The following NDUFA9 variants were observed in gnomAD, a reference collection of about 807,000 sequenced individuals.
The protein encoded by NDUFA9 is NADH dehydrogenase [ubiquinone] 1 alpha subcomplex subunit 9, mitochondrial.
Under a neutral mutation model 45.9 loss-of-function variants are expected in NDUFA9, and 23 were observed. The observed-to-expected ratio is 0.50, with a 90% confidence interval of 0.36 to 0.71. The LOEUF (loss-of-function observed/expected upper bound fraction) is 0.71, where lower values mean the gene tolerates loss of function less well. Among genes scored for constraint, NDUFA9 ranks in the 30% least tolerant of loss-of-function variants. NDUFA9 has a pLI of 0.00. For missense variants in NDUFA9, 466 were observed against 488.2 expected (o/e 0.95, Z 0.43); for synonymous variants, 176 against 170.5 (o/e 1.03, Z -0.25).
chr12:4,669,452 C>G (rs1034653847), intron 7 of NDUFA9, among the ~76,000 whole-genome samples: 1 of 152,198 alleles, frequency 6.6e-6, no homozygotes, highest in African/African-American at 2.4e-5. Context: ...TGCATTCCTA[C>G]TACAGAAAAT....
At position 4,687,775 on chromosome 12, in the gene NDUFA9, A is replaced by G. The variant is rs748710183; in HGVS notation, c.*667A>G. The G allele has an allele frequency of 6.6e-6, 1 of 152,256 alleles. No individual in the cohort carries two copies. Among genetic ancestry groups the G allele is most frequent in the Non-Finnish European group, 1.5e-5 (1 of 68,064 alleles). The allele number at this position is 152,256 out of a possible 1,614,324, so 9.4% of individuals were successfully genotyped here. On this transcript the variant is annotated 3_prime_UTR_variant, in exon 11 of 11. Transcript: ENST00000266544. ...CAGCTTCTATGCCAGCAGTGCCAGC[A>G]CTTAGGAATTATGACCTTCTAATGA...
At chr12:4,671,718 A>G (rs1470509803) in intron 8 of NDUFA9, among the ~76,000 whole-genome samples, 1 of 152,220 alleles carries the variant, frequency 6.6e-6, no homozygotes, top group African/African-American at 2.4e-5. Context: ...GAATTGACGT[A>G]TAGATGAATT....
intron 1 of NDUFA9, chr12:4,653,519 T>C: frequency 2.5e-6 from 1 of 398,978 alleles, no homozygotes; most frequent in Non-Finnish European, 4.8e-6. Context: ...ACATGAACTT[T>C]GAGGGTTCAT....
In NDUFA9 at chr12:4,669,724, A is replaced by T; in HGVS notation, c.724-17A>T. The T allele has an allele frequency of 6.7e-7, 1 of 1,494,472 alleles. No individual in the cohort carries two copies. Among genetic ancestry groups the T allele is most frequent in the Non-Finnish European group, 9.3e-7 (1 of 1,072,548 alleles). 92.6% of individuals were successfully genotyped at this position (1,494,472 alleles called of 1,614,324 possible). On this transcript the variant is annotated splice_polypyrimidine_tract_variant and intron_variant, in intron 7 of 10. Coordinates refer to ENST00000266544, the MANE Select transcript of NDUFA9 (RefSeq NM_005002.5). ...TTTTTCAACAATTACTTAGACATAT[A>T]TTATAATTTCTTACAGGTCGTAGAT...
rs1565564733 is a variant in NDUFA9, at chr12:4,654,855, A to G, written c.251A>G (p.Tyr84Cys). ...ATGGGGTCACAGGTAATCATACCCT[A>G]TCGGTGTGATAAATATGACATCATG... Reference protein sequence around the residue: ...GRMGSQVIIPYRCDKYDIMHL... With the variant: ...GRMGSQVIIPCRCDKYDIMHL... Residue 84 changes from tyrosine (Y) to cysteine (C), a missense_variant, in exon 3 of 11, where the codon TAT becomes TGT. Tyr to Cys is a radical substitution (Grantham distance 194). Transcript: ENST00000266544. 6 of 1,613,910 alleles carry G rather than the reference A, an allele frequency of 3.7e-6. No individual in the cohort carries two copies. Among genetic ancestry groups the G allele is most frequent in the Non-Finnish European group, 5.1e-6 (6 of 1,179,892 alleles).
Position 4,652,981 on chromosome 12 carries a change from GAA to G in NDUFA9, c.50-1309_50-1308del, listed in dbSNP as rs570984871. On this transcript the variant is annotated intron_variant, in intron 1 of 10. Coordinates refer to ENST00000266544, the MANE Select transcript of NDUFA9 (RefSeq NM_005002.5). The stretch of plus-strand genomic sequence containing the variant: ...TAGAAACAAACACAGATTTTCTAAA[GAA>G]AGTCCTGTTTGTGTCTTTCACCTCT... 9.2e-5 allele frequency among the ~76,000 whole-genome samples: 14 copies of G among 152,348 alleles called. No individual in the cohort carries two copies. The South Asian group carries it at 2.9e-3, about 32-fold the overall frequency.
At chr12:4,658,883 C>A (rs1330209085) in intron 4 of NDUFA9, among the ~76,000 whole-genome samples, 153 bp from the exon 5 acceptor site, 1 of 152,172 alleles carries the variant, frequency 6.6e-6, no homozygotes, top group East Asian at 1.9e-4. Flanking sequence ...AGCCACCACA[C>A]CTGGCCAAAT....
chr12:4,669,316 C>T (rs1301099147), intron 7 of NDUFA9, among the ~76,000 whole-genome samples: 1 of 152,158 alleles, frequency 6.6e-6, no homozygotes, highest in African/African-American at 2.4e-5. Context: ...AGAATATTAG[C>T]AATTCCATGT....
chr12:4,659,255 A>G, intron 5 of NDUFA9, 78 bp downstream of exon 5: 1 of 1,322,684 alleles, frequency 7.6e-7, no homozygotes, highest in African/African-American at 1.5e-5. Flanking sequence ...TTTCAGTGAG[A>G]AGGGTTTATC....
intron 6 of NDUFA9, chr12:4,667,649 C>G (rs765562225): frequency 1.2e-4 from 20 of 170,188 alleles, no homozygotes; most frequent in Non-Finnish European, 2.4e-4. Context: ...GTAGCTGGGA[C>G]TACAGGTGTG....
At chr12:4,657,693 T>C in intron 3 of NDUFA9, 55 bp from the exon 4 acceptor site, 5 of 1,297,654 alleles carry the variant, frequency 3.9e-6, no homozygotes, top group Non-Finnish European at 5.6e-6. Flanking sequence ...TGCAGAAGTG[T>C]TGAGTGCTGA....
At chr12:4,656,725 A>G (rs1430015047) in intron 3 of NDUFA9, among the ~76,000 whole-genome samples, 1 of 152,148 alleles carries the variant, frequency 6.6e-6, no homozygotes, top group African/African-American at 2.4e-5. Flanking sequence ...TGTATATTTC[A>G]CTTAATCGTC....
chr12:4,651,278 A>G (rs573287678), intron 1 of NDUFA9, among the ~76,000 whole-genome samples: 87 of 152,320 alleles, frequency 5.7e-4, no homozygotes, highest in African/African-American at 2.0e-3. Context: ...AATAAAGAAT[A>G]TCATTCTTCT....
chr12:4,682,012 G>A (rs911120479), intron 8 of NDUFA9, among the ~76,000 whole-genome samples, 193 bp from the exon 9 acceptor site: 33 of 152,114 alleles, frequency 2.2e-4, no homozygotes, highest in African/African-American at 8.0e-4. Flanking sequence ...ATATGTAAGG[G>A]GATGAGAAGG....
intron 10 of NDUFA9, among the ~76,000 whole-genome samples, 170 bp downstream of exon 10, chr12:4,685,495 C>T (rs1272248444): frequency 1.3e-5 from 2 of 152,116 alleles, no homozygotes; most frequent in Admixed American, 6.5e-5. Flanking sequence ...CTCCAGGGGG[C>T]GGCTCCTCCC....
At chr12:4,669,134 C>T (rs1049810770) in intron 7 of NDUFA9, among the ~76,000 whole-genome samples, 1 of 152,156 alleles carries the variant, frequency 6.6e-6, no homozygotes, top group Non-Finnish European at 1.5e-5. Context: ...GATAATTCTT[C>T]GTTATGGGGG....
Position 4,654,164 on chromosome 12 carries a change from T to C in NDUFA9, c.50-128T>C, listed in dbSNP as rs890885697. 49 of 832,496 alleles carry C rather than the reference T, an allele frequency of 5.9e-5. 1 individual carries two copies. In the Admixed American group the frequency reaches 1.4e-3, roughly 23 times the overall value. The allele number at this position is 832,496 out of a possible 1,614,324, so 51.6% of individuals were successfully genotyped here. ...AGTTTGTGTTTATTATTGCCCTTGATACTTAAATTGCTAAAGTACTGATTG... is the reference window on the plus strand; with the variant it reads ...AGTTTGTGTTTATTATTGCCCTTGACACTTAAATTGCTAAAGTACTGATTG... On this transcript the variant is annotated intron_variant, in intron 1 of 10. Transcript: ENST00000266544.
chr12:4,655,059 T>G, intron 3 of NDUFA9, 137 bp downstream of exon 3: 1 of 646,256 alleles, frequency 1.5e-6, no homozygotes, highest in Non-Finnish European at 2.6e-6. Context: ...AGGTCATTCT[T>G]TCAGCTAGGT....
intron 3 of NDUFA9, 151 bp from the exon 4 acceptor site, chr12:4,657,597 C>A: frequency 1.6e-6 from 1 of 616,976 alleles, no homozygotes. Context: ...GATGTCATTT[C>A]TGTTGTAATA....
Sources: gnomAD v4.1 joint callset for allele counts (sites outside exome capture counted in the v4.1 genomes callset) on GRCh38, gnomAD v4.1.1 for gene constraint, MANE v1.5 for transcripts, NCBI Gene and HGNC (gene_info 2026-07-23, HGNC 2026-07-21) for gene names.